The following FOXP1 variants were observed in gnomAD, a reference collection of about 807,000 sequenced individuals.
FOXP1 encodes forkhead box protein P1.
A neutral mutation model predicts 98.2 loss-of-function variants in FOXP1; 15 were observed. That is an observed-to-expected ratio of 0.15 (90% CI 0.10 to 0.24). The LOEUF is 0.24. Ranked by LOEUF, FOXP1 falls within the 10% of genes least tolerant of loss-of-function variation. The pLI is 1.00. For synonymous variants in FOXP1, 371 were observed against 314.5 expected (o/e 1.18, Z -1.90); for missense variants, 633 against 848.5 (o/e 0.75, Z 3.15).
At chr3:71,321,121 C>T (rs1487851413) in intron 4 of FOXP1, among the ~76,000 whole-genome samples, 1 of 121,996 alleles carries the variant, frequency 8.2e-6, no homozygotes, top group East Asian at 2.9e-4. Flanking sequence ...TAGACTGTAC[C>T]AAAAAAAAAA....
Position 71,541,674 on chromosome 3 carries a change from C to T in FOXP1, c.-298+39875G>A, listed in dbSNP as rs550239827. Among the ~76,000 whole-genome samples, 19 of 152,080 alleles carry T rather than the reference C, an allele frequency of 1.2e-4. No individual in the cohort carries two copies. In the East Asian group the frequency reaches 3.3e-3, roughly 26 times the overall value. On this transcript the variant is annotated intron_variant, in intron 2 of 20. Coordinates refer to ENST00000649528, the MANE Select transcript of FOXP1 (RefSeq NM_001349338.3). ...GGAATGCGTATTTCACCAGAATTTA[C>T]TCCGAGAGCATTAAAAAAAAAAAGT... is the stretch of plus-strand genomic sequence containing the variant.
chr3:71,053,384 T>C (rs2050173366), intron 8 of FOXP1, among the ~76,000 whole-genome samples: 1 of 152,150 alleles, frequency 6.6e-6, no homozygotes, highest in African/African-American at 2.4e-5. Flanking sequence ...CCAAGTCCAA[T>C]TACAGCCCTG....
Position 71,085,013 on chromosome 3 carries a change from A to G in FOXP1, c.282+27523T>C, listed in dbSNP as rs2054876501. Among the ~76,000 whole-genome samples the G allele has an allele frequency of 2.6e-5, 4 of 152,240 alleles. No homozygotes were observed. The South Asian group carries it at 8.3e-4, about 31-fold the overall frequency. On this transcript the variant is annotated intron_variant, in intron 7 of 20. Transcript: ENST00000649528. ...TGTTTAAATATATGGATTTGGGCAT[A>G]AAATAGTCATTCCTTGTTAGTGGCT...
At chr3:71,324,605 G>A (rs1188825469) in intron 4 of FOXP1, among the ~76,000 whole-genome samples, 2 of 151,754 alleles carry the variant, frequency 1.3e-5, no homozygotes, top group African/African-American at 2.4e-5. Flanking sequence ...ATCACACACC[G>A]AGGCCTGTCG....
intron 20 of FOXP1, among the ~76,000 whole-genome samples, chr3:70,965,465 C>T (rs530572642): frequency 2.3e-4 from 35 of 152,300 alleles, no homozygotes; most frequent in African/African-American, 6.7e-4. Context: ...AATGCTGCGG[C>T]GGCGTGTTCG....
chr3:71,273,604 G>A (rs977154545), intron 5 of FOXP1, among the ~76,000 whole-genome samples: 2 of 152,142 alleles, frequency 1.3e-5, no homozygotes, highest in African/African-American at 4.8e-5. Context: ...CGAGAACAAA[G>A]TTTCTGATGA....
chr3:71,501,042 A>G (rs1211994781), intron 2 of FOXP1, among the ~76,000 whole-genome samples: 1 of 152,076 alleles, frequency 6.6e-6, no homozygotes, highest in Non-Finnish European at 1.5e-5. Flanking sequence ...AAATATAAAA[A>G]TTAGCCAGGT....
At chr3:71,386,668 G>A (rs889654371) in intron 3 of FOXP1, among the ~76,000 whole-genome samples, 28 of 149,888 alleles carry the variant, frequency 1.9e-4, no homozygotes, top group African/African-American at 3.9e-4. Context: ...ACCTGAACCC[G>A]GGAGGCAGAG....
At chr3:70,983,287 G>A (rs1318790620) in intron 14 of FOXP1, among the ~76,000 whole-genome samples, 1 of 152,042 alleles carries the variant, frequency 6.6e-6, no homozygotes, top group African/African-American at 2.4e-5. Flanking sequence ...AAGGTTGGTG[G>A]GGGTGGGGCA....
intron 4 of FOXP1, among the ~76,000 whole-genome samples, chr3:71,315,720 A>G (rs1200827666): frequency 2.0e-5 from 3 of 152,182 alleles, no homozygotes; most frequent in Non-Finnish European, 4.4e-5. Flanking sequence ...ATGGCTACAG[A>G]ATATGGCCCC....
rs767131813 is a variant in FOXP1, at chr3:71,150,491, CACA to C, written c.181-37857_181-37855del. On this transcript the variant is annotated intron_variant, in intron 6 of 20. Coordinates refer to ENST00000649528, the MANE Select transcript of FOXP1 (RefSeq NM_001349338.3). ...ACAGTCTGGCAGGAGGTGAAAAAAA[CACA>C]ACAACCCTGAAACTCGATACTTATC... 2.6e-5 allele frequency among the ~76,000 whole-genome samples: 4 copies of C among 152,156 alleles called. 1 individual carries two copies. Among genetic ancestry groups the C allele is most frequent in the South Asian group, 4.2e-4 (2 of 4,816 alleles).
Position 71,015,650 on chromosome 3 carries a change from C to A in FOXP1, c.873G>T (p.Leu291Phe). 6.2e-7 allele frequency: 1 copy of A among 1,600,176 alleles called. No homozygotes were observed. The change falls in exon 12 of 21, where the codon TTG (leucine) becomes TTT (phenylalanine). Residue 291 changes from leucine (L) to phenylalanine (F), a missense_variant. This residue lies in a region of FOXP1 where 210 missense variants were observed against 270.6 expected (regional missense o/e 0.78). Coordinates refer to ENST00000649528, the MANE Select transcript of FOXP1 (RefSeq NM_001349338.3). ...GGCTATGGGGGTGCTCCTCATGGGA[C>A]AAACTGAAAGAAAACACACAGAAGA... ...LSVHTPKRES[L>F]SHEEHPHSHP...
At chr3:71,401,856 G>GACACC (rs1260133765) in intron 3 of FOXP1, among the ~76,000 whole-genome samples, 1 of 152,174 alleles carries the variant, frequency 6.6e-6, no homozygotes, top group Non-Finnish European at 1.5e-5. Context: ...TCTGTTACAA[G>GACACC]ACACCGGGGC....
At chr3:71,203,676 A>G (rs1051810155) in intron 5 of FOXP1, among the ~76,000 whole-genome samples, 10 of 152,230 alleles carry the variant, frequency 6.6e-5, no homozygotes, top group Non-Finnish European at 1.2e-4. Context: ...AAGCAGAATA[A>G]ATGCCCTTAA....
At chr3:71,423,673 C>G (rs1257607636) in intron 3 of FOXP1, among the ~76,000 whole-genome samples, 4 of 152,212 alleles carry the variant, frequency 2.6e-5, no homozygotes, top group African/African-American at 9.7e-5. Context: ...AGGGGCCTCC[C>G]AGGCTGGCCT....
intron 6 of FOXP1, among the ~76,000 whole-genome samples, chr3:71,166,430 C>T (rs1332708494): frequency 6.6e-6 from 1 of 152,170 alleles, no homozygotes; most frequent in East Asian, 1.9e-4. Context: ...TAATTAAACA[C>T]CAAATTTGGC....
chr3:71,506,907 G>A (rs1203437687), intron 2 of FOXP1, among the ~76,000 whole-genome samples: 1 of 152,168 alleles, frequency 6.6e-6, no homozygotes, highest in Non-Finnish European at 1.5e-5. Context: ...TGGGGCTAAT[G>A]AAAGTCCCTA....
chr3:71,328,756 G>A (rs998197066), intron 4 of FOXP1, among the ~76,000 whole-genome samples: 7 of 151,848 alleles, frequency 4.6e-5, no homozygotes, highest in East Asian at 1.9e-4. Flanking sequence ...TTGGATCACC[G>A]GAGGTTGGGA....
chr3:71,233,971 C>G (rs1299999246), intron 5 of FOXP1, among the ~76,000 whole-genome samples: 2 of 152,020 alleles, frequency 1.3e-5, no homozygotes, highest in East Asian at 3.9e-4. Context: ...CCGTTATTAT[C>G]TGGGGTGGGA....
Sources: gnomAD v4.1 joint callset for allele counts (sites outside exome capture counted in the v4.1 genomes callset) on GRCh38, gnomAD v4.1.1 for gene constraint, gnomAD v4.1.1 regional missense constraint, MANE v1.5 for transcripts, NCBI Gene and HGNC (gene_info 2026-07-23, HGNC 2026-07-21) for gene names.